VPS13C: variants seen among roughly 807,000 people sequenced by gnomAD.
VPS13C encodes vacuolar protein sorting 13 homolog C, also known as intermembrane lipid transfer protein VPS13C.
VPS13C carries 358 observed loss-of-function variants against 456.8 expected under a neutral mutation model. The observed-to-expected ratio is 0.78, with a 90% CI of 0.72 to 0.86. The LOEUF is 0.86. Among genes scored for constraint, VPS13C ranks in the 40% least tolerant of loss-of-function variants. The pLI is 0.00. For missense variants in VPS13C, 4,818 were observed against 4,385.4 expected (o/e 1.10, Z -2.79); for synonymous variants, 1,578 against 1,486.7 (o/e 1.06, Z -1.41).
chr15:62,020,505 C>T lies in VPS13C; in HGVS notation c.658G>A (p.Val220Ile), dbSNP rs1393560572. ...AGTAGACTAAGCTCTCCCAGTGTGA[C>T]ACCAAATGAAAGAGGCCGCTTTGGA... ...TDPKRPLSFGVTLGELSLLTA... is the reference protein window; with the variant it reads ...TDPKRPLSFGITLGELSLLTA... The change falls in exon 9 of 85, where the codon GTC (valine) becomes ATC (isoleucine). Residue 220 changes from valine to isoleucine, a missense_variant. Val to Ile is a conservative substitution (Grantham distance 29, BLOSUM62 3). This residue lies in a region of VPS13C where 4,552 missense variants were observed against 4,130.6 expected (regional missense o/e 1.10). Coordinates refer to ENST00000644861, the MANE Select transcript of VPS13C (RefSeq NM_020821.3). The T allele has an allele frequency of 6.2e-7, 1 of 1,611,622 alleles. No homozygotes were observed. Among genetic ancestry groups the T allele is most frequent in the East Asian group, 2.2e-5 (1 of 44,798 alleles).
chr15:61,916,174 T>C, intron 60 of VPS13C, 152 bp from the exon 61 acceptor site: 2 of 960,786 alleles, frequency 2.1e-6, no homozygotes, highest in South Asian at 4.0e-5. Flanking sequence ...AAATGTCCAG[T>C]ACTCACCAAG....
At chr15:61,863,806 A>C in intron 81 of VPS13C, 1 of 260,972 alleles carries the variant, frequency 3.8e-6, no homozygotes, top group Admixed American at 5.3e-5. Flanking sequence ...AAATATTAAA[A>C]TATCTACCAG....
intron 58 of VPS13C, among the ~76,000 whole-genome samples, chr15:61,918,507 A>C (rs1357163335): frequency 6.6e-6 from 1 of 152,048 alleles, no homozygotes; most frequent in East Asian, 1.9e-4. Context: ...GTATTAGTCT[A>C]TATTATCTTT....
intron 49 of VPS13C, 40 bp downstream of exon 49, chr15:61,934,179 G>T: frequency 7.2e-7 from 1 of 1,390,250 alleles, no homozygotes; most frequent in Non-Finnish European, 9.9e-7. Context: ...ACTATCAAGA[G>T]CTAAGGATTT....
At chr15:62,014,065 G>T in intron 9 of VPS13C, 73 bp from the exon 10 acceptor site, 1 of 1,067,040 alleles carries the variant, frequency 9.4e-7, no homozygotes, top group Non-Finnish European at 1.4e-6. Flanking sequence ...CTTACATAAT[G>T]TAACAAAATA....
chr15:62,021,417 C>A (rs914843644), intron 8 of VPS13C, among the ~76,000 whole-genome samples: 16 of 151,874 alleles, frequency 1.1e-4, no homozygotes, highest in Non-Finnish European at 1.9e-4. Flanking sequence ...TCTTTAGTCT[C>A]TATATCCAAA....
intron 23 of VPS13C, among the ~76,000 whole-genome samples, chr15:61,978,119 T>C (rs111994751): frequency 0.028 from 4,280 of 152,160 alleles, 129 homozygotes; most frequent in South Asian, 0.07. Context: ...AATAATTAAG[T>C]TAATTATCTT....
chr15:61,947,230 A>G lies in VPS13C; in HGVS notation c.4839T>C (p.Cys1613=). 1.2e-6 allele frequency: 2 copies of G among 1,606,262 alleles called. No individual in the cohort carries two copies. Among genetic ancestry groups the G allele is most frequent in the Non-Finnish European group, 1.7e-6 (2 of 1,177,528 alleles). The change falls in exon 43 of 85, where the codon TGT becomes TGC. Residue 1613 remains cysteine (C), a synonymous_variant. Transcript: ENST00000644861. ...AELNAFNVFV[C]DQKCNIADIK... is the part of the protein sequence containing the mutation. ...TATCTGCAATGTTACACTTCTGATC[A>G]CAGACAAAGACATTAAATGCATTTA... is the stretch of plus-strand genomic sequence containing the variant.
intron 13 of VPS13C, among the ~76,000 whole-genome samples, chr15:62,008,999 CA>C (rs1359761976): frequency 1.3e-5 from 2 of 152,002 alleles, no homozygotes; most frequent in Non-Finnish European, 2.9e-5. Context: ...GGTTCTACTA[CA>C]AAAGAAAACT....
intron 51 of VPS13C, among the ~76,000 whole-genome samples, chr15:61,928,884 G>GA (rs1427761439): frequency 3.4e-5 from 5 of 147,830 alleles, no homozygotes; most frequent in Non-Finnish European, 6.0e-5. Context: ...AGCCCATCTC[G>GA]AAAAAAATTT....
chr15:61,998,957 GCTTA>G (rs1352428262), intron 16 of VPS13C, among the ~76,000 whole-genome samples: 4 of 151,948 alleles, frequency 2.6e-5, no homozygotes, highest in South Asian at 2.1e-4. Context: ...CTTTTCTCTG[GCTTA>G]CTTTATTGTA....
chr15:62,006,817 T>C lies in VPS13C; in HGVS notation c.1290+491A>G, dbSNP rs2046866473. 2.0e-5 allele frequency among the ~76,000 whole-genome samples: 3 copies of C among 152,330 alleles called. 1 individual carries two copies. In the East Asian group the frequency reaches 5.8e-4, roughly 29 times the overall value. Reference sequence around the variant, plus strand: ...CCATTCTAACTGGTGTGAGATGGTATCTCATTGTGGTTTTGATTTGCATTT... The same window carrying C: ...CCATTCTAACTGGTGTGAGATGGTACCTCATTGTGGTTTTGATTTGCATTT... On this transcript the variant is annotated intron_variant, in intron 15 of 84. Transcript: ENST00000644861.
chr15:61,874,029 C>A (rs1454122716), intron 77 of VPS13C, among the ~76,000 whole-genome samples: 1 of 151,764 alleles, frequency 6.6e-6, no homozygotes, highest in African/African-American at 2.4e-5. Flanking sequence ...TCATTCACAG[C>A]AACTTGGATG....
chr15:61,891,934 C>T (rs1006543675), intron 66 of VPS13C, among the ~76,000 whole-genome samples: 3 of 152,302 alleles, frequency 2.0e-5, no homozygotes, highest in Admixed American at 1.3e-4. Flanking sequence ...AAAAGCTCCA[C>T]GCAGATGGTA....
intron 38 of VPS13C, among the ~76,000 whole-genome samples, chr15:61,953,944 T>A (rs1233007108): frequency 6.6e-6 from 1 of 152,188 alleles, no homozygotes; most frequent in African/African-American, 2.4e-5. Flanking sequence ...TTTACCTCTA[T>A]CCTTGTCACT....
rs1455134812 is a variant in VPS13C at position 62,000,406 on chromosome 15, A to G, written c.1353+158T>C. On this transcript the variant is annotated intron_variant, in intron 16 of 84. Transcript: ENST00000644861. ...AAAAATAAGGTTTTTTTTCCCCTTC[A>G]TATTAGTGGCTTTTTTTCAGTACTC... is the stretch of plus-strand genomic sequence containing the variant. 3.3e-5 allele frequency among the ~76,000 whole-genome samples: 5 copies of G among 151,974 alleles called. 1 individual carries two copies. The highest frequency in any genetic ancestry group is 2.0e-4 in the Admixed American group (3 of 15,262).
intron 47 of VPS13C, 36 bp downstream of exon 47, chr15:61,940,611 C>A (rs765117102): frequency 6.3e-7 from 1 of 1,582,180 alleles, no homozygotes; most frequent in South Asian, 1.2e-5. Context: ...AAAAGCCTAT[C>A]AAGAAATTTT....
intron 14 of VPS13C, among the ~76,000 whole-genome samples, chr15:62,008,165 A>G (rs1252251448): frequency 6.6e-6 from 1 of 152,050 alleles, no homozygotes; most frequent in Non-Finnish European, 1.5e-5. Context: ...CAGGAGGTGG[A>G]GGTTGCAATG....
At chr15:61,957,010 A>C (rs1390865429) in intron 37 of VPS13C, among the ~76,000 whole-genome samples, 2 of 152,212 alleles carry the variant, frequency 1.3e-5, no homozygotes, top group Non-Finnish European at 2.9e-5. Flanking sequence ...AATAACATTC[A>C]TAGCAATTTC....
Sources: gnomAD v4.1 joint callset for allele counts (sites outside exome capture counted in the v4.1 genomes callset) on GRCh38, gnomAD v4.1.1 for gene constraint, gnomAD v4.1.1 regional missense constraint, MANE v1.5 for transcripts, NCBI Gene and HGNC (gene_info 2026-07-23, HGNC 2026-07-21) for gene names.